TAF4B: variants seen among roughly 807,000 people sequenced by gnomAD.
The protein encoded by TAF4B is TATA-box binding protein associated factor 4b, also known as transcription initiation factor TFIID subunit 4B.
In TAF4B, 38 loss-of-function variants were observed where a neutral mutation model predicts 86.4. The ratio of observed to expected loss-of-function variants is 0.44; its 90% CI spans 0.34 to 0.58. The LOEUF (loss-of-function observed/expected upper bound fraction) is 0.58. Among genes scored for constraint, TAF4B ranks in the 20% least tolerant of loss-of-function variants. The pLI, the probability that TAF4B is intolerant of heterozygous loss-of-function variation, is 0.02. For missense variants in TAF4B, 988 were observed against 1,027.6 expected (o/e 0.96, Z 0.53); for synonymous variants, 388 against 391.2 (o/e 0.99, Z 0.10).
At chr18:26,292,127 T>G in intron 7 of TAF4B, 119 bp from the exon 8 acceptor site, 1 of 1,126,216 alleles carries the variant, frequency 8.9e-7, no homozygotes, top group East Asian at 2.7e-5. Flanking sequence ...TAGGCATTCT[T>G]GTTAAGATAA....
At position 26,285,222 on chromosome 18, in the gene TAF4B, G is replaced by GTTTTTGTTTTTTTTTTTTTTTTTT; in HGVS notation, c.973-655_973-654insGTTTTTTTTTTTTTTTTTTTTTTT. Among the ~76,000 whole-genome samples the GTTTTTGTTTTTTTTTTTTTTTTTT allele has an allele frequency of 4.4e-3, 200 of 45,682 alleles. 9 individuals carry two copies. The highest frequency in any genetic ancestry group is 9.9e-3 in the East Asian group (9 of 910). The allele number at this position is 45,682 out of a possible 152,430, so 30.0% of individuals were successfully genotyped here. A position where few individuals can be genotyped will look rare whatever the true frequency, so the allele number is the denominator to read the frequency against. On this transcript the variant is annotated intron_variant, in intron 6 of 14. Transcript: ENST00000269142. ...ATTTCTTCCTTTCCTTTTTTTTTTTGTTTTTTTTTTTTTTGGAGATGGGGT... is the reference window on the plus strand; with the variant it reads ...ATTTCTTCCTTTCCTTTTTTTTTTTGTTTTTGTTTTTTTTTTTTTTTTTTTTTTTTTTTTTTTTGGAGATGGGGT...
At chr18:26,248,933 G>A (rs1439976936) in intron 1 of TAF4B, among the ~76,000 whole-genome samples, 1 of 151,736 alleles carries the variant, frequency 6.6e-6, no homozygotes, top group Non-Finnish European at 1.5e-5. Flanking sequence ...CAGCACTTTG[G>A]GAGGCTGAGG....
chr18:26,240,763 A>G lies in TAF4B; in HGVS notation c.343+13487A>G, dbSNP rs553519513. The stretch of plus-strand genomic sequence containing the variant: ...TATTATTTTGAGATACGTCACATCA[A>G]TACCTAACTTATTGAGAGTTTTTAG... On this transcript the variant is annotated intron_variant, in intron 1 of 14. Coordinates refer to ENST00000269142, the MANE Select transcript of TAF4B (RefSeq NM_005640.3). Among the ~76,000 whole-genome samples, 5 of 152,312 alleles carry G rather than the reference A, an allele frequency of 3.3e-5. No homozygotes were observed. The South Asian group carries it at 6.2e-4, about 19-fold the overall frequency.
At chr18:26,359,024 C>T (rs1217182362) in intron 14 of TAF4B, among the ~76,000 whole-genome samples, 1 of 152,098 alleles carries the variant, frequency 6.6e-6, no homozygotes, top group African/African-American at 2.4e-5. Context: ...CAGATGTAAC[C>T]ACTGTTAAGT....
At chr18:26,365,002 C>CTTTTTT (rs1236686001) in intron 14 of TAF4B, among the ~76,000 whole-genome samples, 138 of 109,158 alleles carry the variant, frequency 1.3e-3, no homozygotes, top group Non-Finnish European at 1.7e-3. Flanking sequence ...TAATTCTATT[C>CTTTTTT]TTTTTTTTTT....
chr18:26,310,956 G>GT (rs200429421), intron 9 of TAF4B, among the ~76,000 whole-genome samples: 6,557 of 144,750 alleles, frequency 0.045, 193 homozygotes, highest in Non-Finnish European at 0.063. Flanking sequence ...TGCTTTTTTT[G>GT]TTTTTTTTTT....
chr18:26,346,889 A>ATATGTGTG (rs1555623709), intron 13 of TAF4B, among the ~76,000 whole-genome samples: 2 of 15,344 alleles, frequency 1.3e-4, no homozygotes, highest in African/African-American at 3.2e-4. Flanking sequence ...ATATATATAT[A>ATATGTGTG]TATATATATA....
intron 7 of TAF4B, among the ~76,000 whole-genome samples, chr18:26,288,734 G>T (rs945844126): frequency 4.6e-5 from 7 of 152,248 alleles, no homozygotes; most frequent in African/African-American, 1.7e-4. Context: ...CTCTTAGAAA[G>T]AACTTCTAGG....
intron 1 of TAF4B, among the ~76,000 whole-genome samples, chr18:26,247,076 G>A (rs1329671540): frequency 6.6e-6 from 1 of 151,830 alleles, no homozygotes; most frequent in Admixed American, 6.6e-5. Flanking sequence ...TGTTGGTCAG[G>A]CTGGTCTCGA....
At chr18:26,273,983 TCTTTAAGATTGTTG>T (rs2056352296) in intron 3 of TAF4B, among the ~76,000 whole-genome samples, 1 of 152,332 alleles carries the variant, frequency 6.6e-6, no homozygotes, top group African/African-American at 2.4e-5. Flanking sequence ...TTAGTGTTTG[TCTTTAAGATTGTTG>T]CTTTATCTCA....
chr18:26,293,268 TA>T (rs1331635021), intron 8 of TAF4B, among the ~76,000 whole-genome samples, 157 bp from the exon 9 acceptor site: 3 of 152,198 alleles, frequency 2.0e-5, no homozygotes, highest in Non-Finnish European at 4.4e-5. Flanking sequence ...ATTCAGGGAA[TA>T]AATTCATTGT....
chr18:26,376,656 A>G (rs1250185670), intron 14 of TAF4B, among the ~76,000 whole-genome samples: 1 of 151,736 alleles, frequency 6.6e-6, no homozygotes, highest in Non-Finnish European at 1.5e-5. Flanking sequence ...TCACTTCTGG[A>G]TGCCTTGTTA....
Position 26,326,759 on chromosome 18 carries a change from A to G in TAF4B, c.2134-256A>G, listed in dbSNP as rs75475034. 0.02 allele frequency among the ~76,000 whole-genome samples: 2,977 copies of G among 152,234 alleles called. 87 individuals carry two copies. Among genetic ancestry groups the G allele is most frequent in the African/African-American group, 0.068 (2,836 of 41,528 alleles). ...TTAATTCCTCCCCCTTCACCCCACA[A>G]TGATGTTTACTAGCAAAGTTCTTTG... On this transcript the variant is annotated intron_variant, in intron 11 of 14. Coordinates refer to ENST00000269142, the MANE Select transcript of TAF4B (RefSeq NM_005640.3).
At position 26,245,449 on chromosome 18, in the gene TAF4B, G is replaced by A. The variant is rs866172730; in HGVS notation, c.343+18173G>A. On this transcript the variant is annotated intron_variant, in intron 1 of 14. Transcript: ENST00000269142. ...GTGTGGAAGGGGACCCAAGTGGGTT[G>A]CTGCTGCTGGCTGGGGTGGCCAGCT... 3.3e-5 allele frequency among the ~76,000 whole-genome samples: 5 copies of A among 152,270 alleles called. No homozygotes were observed. The South Asian group carries it at 8.3e-4, about 25-fold the overall frequency.
At position 26,286,402 on chromosome 18, in the gene TAF4B, C is replaced by G; in HGVS notation, c.1493C>G (p.Pro498Arg). 1 of 1,614,194 alleles carries G rather than the reference C, an allele frequency of 6.2e-7. No homozygotes were observed. Among genetic ancestry groups the G allele is most frequent in the Non-Finnish European group, 8.5e-7 (1 of 1,180,034 alleles). Residue 498 changes from proline to arginine, a missense_variant, in exon 7 of 15, where the codon CCT becomes CGT. Coordinates refer to ENST00000269142, the MANE Select transcript of TAF4B (RefSeq NM_005640.3). ...TCTGCTGGGACCACATCTGACAAGC[C>G]TGTTATTGGGACTCCAGTTCAAATC... Reference protein sequence around the residue: ...VSSAGTTSDKPVIGTPVQIKL... With the variant: ...VSSAGTTSDKRVIGTPVQIKL...
intron 13 of TAF4B, among the ~76,000 whole-genome samples, chr18:26,337,946 T>C (rs1361285791): frequency 6.6e-6 from 1 of 152,160 alleles, no homozygotes; most frequent in Non-Finnish European, 1.5e-5. Flanking sequence ...GTTTTCCCTT[T>C]CAAACCTACC....
At chr18:26,382,325 C>G (rs1978294031) in intron 14 of TAF4B, among the ~76,000 whole-genome samples, 1 of 152,180 alleles carries the variant, frequency 6.6e-6, no homozygotes, top group Non-Finnish European at 1.5e-5. Flanking sequence ...AAAGTCTTGA[C>G]ATGAGGTTGT....
chr18:26,315,118 C>G (rs1221871474), intron 9 of TAF4B, 111 bp from the exon 10 acceptor site: 24 of 275,098 alleles, frequency 8.7e-5, no homozygotes, highest in African/African-American at 2.7e-4. Flanking sequence ...CTCTCTCTCT[C>G]TCTCTCTCTC....
chr18:26,367,983 A>T (rs373151516), intron 14 of TAF4B, among the ~76,000 whole-genome samples: 1 of 152,100 alleles, frequency 6.6e-6, no homozygotes. Flanking sequence ...TGTCACTGCA[A>T]TTTTTTATTT....
Sources: allele counts gnomAD v4.1 joint callset (sites outside exome capture counted in the v4.1 genomes callset), GRCh38; gene constraint gnomAD v4.1.1; transcripts MANE v1.5; gene names NCBI Gene and HGNC (gene_info 2026-07-23, HGNC 2026-07-21).